The following ZFPM2 variants were observed in gnomAD, a reference collection of about 807,000 sequenced individuals.
ZFPM2 encodes the protein zinc finger protein, FOG family member 2, also known as zinc finger protein ZFPM2.
Under a neutral mutation model 98.6 loss-of-function variants are expected in ZFPM2, and 20 were observed. That is an observed-to-expected ratio of 0.20 (90% CI 0.14 to 0.29). The LOEUF (loss-of-function observed/expected upper bound fraction) is 0.29, where lower values mean the gene tolerates loss of function less well. ZFPM2 is among the 10% of genes least tolerant of loss of function. The pLI, the probability that ZFPM2 is intolerant of heterozygous loss-of-function variation, is 1.00. For missense variants in ZFPM2, 1,310 were observed against 1,388.6 expected (o/e 0.94, Z 0.90); for synonymous variants, 518 against 502.7 (o/e 1.03, Z -0.41).
chr8:105,531,109 G>T (rs1457551100), intron 3 of ZFPM2, among the ~76,000 whole-genome samples: 1 of 152,130 alleles, frequency 6.6e-6, no homozygotes, highest in Non-Finnish European at 1.5e-5. Flanking sequence ...GTGTTCCAAT[G>T]ATATGGGTTA....
At chr8:105,652,149 G>T (rs1336033729) in intron 5 of ZFPM2, among the ~76,000 whole-genome samples, 4 of 151,158 alleles carry the variant, frequency 2.6e-5, no homozygotes, top group Non-Finnish European at 5.9e-5. Flanking sequence ...GGTTCTTTTT[G>T]GACCCACTTT....
chr8:105,577,260 A>G (rs1329158922), intron 4 of ZFPM2, among the ~76,000 whole-genome samples: 1 of 152,150 alleles, frequency 6.6e-6, no homozygotes, highest in Non-Finnish European at 1.5e-5. Flanking sequence ...AATTCTGTCC[A>G]TAGCCTTTAT....
At chr8:105,548,354 C>A (rs1423017052) in intron 3 of ZFPM2, among the ~76,000 whole-genome samples, 2 of 151,960 alleles carry the variant, frequency 1.3e-5, no homozygotes, top group Non-Finnish European at 2.9e-5. Flanking sequence ...AAGTTAAAAG[C>A]AATTTAAAAG....
chr8:105,419,533 A>G (rs1409228335), intron 2 of ZFPM2, among the ~76,000 whole-genome samples: 2 of 152,174 alleles, frequency 1.3e-5, no homozygotes, highest in African/African-American at 2.4e-5. Flanking sequence ...TGGCCAATTA[A>G]CTATGCACAT....
chr8:105,462,894 G>A (rs1399757356), intron 3 of ZFPM2, among the ~76,000 whole-genome samples: 1 of 151,912 alleles, frequency 6.6e-6, no homozygotes, highest in Non-Finnish European at 1.5e-5. Flanking sequence ...TCCTTGATGA[G>A]AGTAAAATGA....
At chr8:105,534,238 CCCT>C in intron 3 of ZFPM2, among the ~76,000 whole-genome samples, 3 of 50,614 alleles carry the variant, frequency 5.9e-5, no homozygotes, top group African/African-American at 3.4e-4. Context: ...CTTCCTCCCT[CCCT>C]CCTCCCTCCC....
chr8:105,706,335 A>G (rs1766046421), intron 5 of ZFPM2, among the ~76,000 whole-genome samples: 1 of 152,264 alleles, frequency 6.6e-6, no homozygotes, highest in African/African-American at 2.4e-5. Context: ...ATCAATGCAC[A>G]AAAGCGTATG....
At chr8:105,400,765 A>G (rs1015785947) in intron 1 of ZFPM2, among the ~76,000 whole-genome samples, 1 of 152,102 alleles carries the variant, frequency 6.6e-6, no homozygotes, top group Non-Finnish European at 1.5e-5. Flanking sequence ...CACTAGTCAC[A>G]TATAGATATT....
chr8:105,735,590 C>T (rs1183875623), intron 5 of ZFPM2, among the ~76,000 whole-genome samples: 1 of 151,504 alleles, frequency 6.6e-6, no homozygotes, highest in African/African-American at 2.4e-5. Context: ...AATTAACAGA[C>T]CATATTATAG....
At chr8:105,794,558 C>T (rs531624082) in intron 6 of ZFPM2, among the ~76,000 whole-genome samples, 68 of 152,348 alleles carry the variant, frequency 4.5e-4, no homozygotes, top group Admixed American at 2.8e-3. Context: ...AGGCAGTCTG[C>T]GGGTTCTCAG....
chr8:105,360,715 T>C, intron 1 of ZFPM2, among the ~76,000 whole-genome samples: 1 of 146,386 alleles, frequency 6.8e-6, no homozygotes, highest in Non-Finnish European at 1.5e-5. Context: ...TGAGTGAGAA[T>C]ATGCGGTGTT....
At chr8:105,601,095 G>C (rs1000055167) in intron 4 of ZFPM2, among the ~76,000 whole-genome samples, 2 of 152,062 alleles carry the variant, frequency 1.3e-5, no homozygotes, top group Admixed American at 1.3e-4. Context: ...CTCACCCTGG[G>C]TTATGCTCCT....
intron 4 of ZFPM2, among the ~76,000 whole-genome samples, chr8:105,617,855 A>G (rs1453104419): frequency 6.6e-6 from 1 of 152,178 alleles, no homozygotes; most frequent in African/African-American, 2.4e-5. Flanking sequence ...AGGTATAAAA[A>G]TGCCTGCAGT....
intron 3 of ZFPM2, among the ~76,000 whole-genome samples, chr8:105,534,038 C>CCCTT (rs1563704372): frequency 3.0e-5 from 1 of 33,470 alleles, no homozygotes; most frequent in Non-Finnish European, 5.5e-5. Context: ...CTCCCTCCCT[C>CCCTT]CCTCCCTTCC....
At chr8:105,360,460 A>G (rs1812834786) in intron 1 of ZFPM2, among the ~76,000 whole-genome samples, 1 of 152,104 alleles carries the variant, frequency 6.6e-6, no homozygotes, top group Non-Finnish European at 1.5e-5. Context: ...AATGGGGAAC[A>G]TACTTTTATT....
intron 5 of ZFPM2, among the ~76,000 whole-genome samples, chr8:105,750,507 TATA>T (rs1222325851): frequency 6.6e-6 from 1 of 152,070 alleles, no homozygotes; most frequent in African/African-American, 2.4e-5. Context: ...ATTAGATTAG[TATA>T]ATATCTTTCA....
intron 4 of ZFPM2, among the ~76,000 whole-genome samples, chr8:105,584,221 A>T (rs1815664096): frequency 1.3e-5 from 2 of 152,194 alleles, no homozygotes; most frequent in African/African-American, 4.8e-5. Flanking sequence ...TGTAGTAATT[A>T]AATGTTTTTA....
At chr8:105,373,466 G>A (rs1810663276) in intron 1 of ZFPM2, among the ~76,000 whole-genome samples, 1 of 152,060 alleles carries the variant, frequency 6.6e-6, no homozygotes, top group Non-Finnish European at 1.5e-5. Context: ...TTTCTTAAAG[G>A]CATCTGATGG....
At chr8:105,581,971 G>A (rs770722252) in intron 4 of ZFPM2, among the ~76,000 whole-genome samples, 6 of 152,156 alleles carry the variant, frequency 3.9e-5, no homozygotes, top group Non-Finnish European at 8.8e-5. Flanking sequence ...TTATAGTGGG[G>A]CCTTGATAAG....
Sources: gnomAD v4.1 joint callset for allele counts (sites outside exome capture counted in the v4.1 genomes callset) on GRCh38, gnomAD v4.1.1 for gene constraint, MANE v1.5 for transcripts, NCBI Gene and HGNC (gene_info 2026-07-23, HGNC 2026-07-21) for gene names.